The following PTPRD variants were observed in gnomAD, a reference collection of about 807,000 sequenced individuals.
The protein encoded by PTPRD is protein tyrosine phosphatase receptor type D.
A neutral mutation model predicts 214.5 loss-of-function variants in PTPRD; 34 were observed. The ratio of observed to expected loss-of-function variants is 0.16; its 90% confidence interval spans 0.12 to 0.21. The LOEUF (loss-of-function observed/expected upper bound fraction) is 0.21. Ranked by LOEUF, PTPRD falls within the 10% of genes least tolerant of loss-of-function variation. PTPRD has a pLI of 1.00. For synonymous variants in PTPRD, 1,128 were observed against 845.7 expected, an observed-to-expected ratio of 1.33 and a Z score of -5.79; for missense variants, 2,545 against 2,398.7, an observed-to-expected ratio of 1.06 and a Z score of -1.27.
chr9:9,893,853 C>A (rs969195383), intron 5 of PTPRD, among the ~76,000 whole-genome samples: 1 of 151,972 alleles, frequency 6.6e-6, no homozygotes, highest in African/African-American at 2.4e-5. Flanking sequence ...CAAGATCTTT[C>A]CCTATTGCCC....
chr9:10,595,030 T>A (rs911767550), intron 2 of PTPRD, among the ~76,000 whole-genome samples: 16 of 151,914 alleles, frequency 1.1e-4, no homozygotes, highest in Non-Finnish European at 1.6e-4. Context: ...AAATAACTAT[T>A]TATAGGCGAT....
chr9:9,397,682 A>G (rs2068427114), intron 8 of PTPRD, among the ~76,000 whole-genome samples, 200 bp from the exon 9 acceptor site: 1 of 151,998 alleles, frequency 6.6e-6, no homozygotes, highest in African/African-American at 2.4e-5. Context: ...TAAAAAAGAT[A>G]TTAGTTGTTT....
At chr9:10,448,496 C>G (rs12340358) in intron 2 of PTPRD, among the ~76,000 whole-genome samples, 1 of 151,874 alleles carries the variant, frequency 6.6e-6, no homozygotes. Flanking sequence ...GGTGGTTCAT[C>G]TAAAACATAG....
At chr9:10,276,863 C>A (rs564573363) in intron 3 of PTPRD, among the ~76,000 whole-genome samples, 1 of 152,318 alleles carries the variant, frequency 6.6e-6, no homozygotes, top group Non-Finnish European at 1.5e-5. Context: ...CCATGACTTT[C>A]TCTGCTCTTC....
rs1444942978 is a variant in PTPRD at position 9,658,461 on chromosome 9, C to T, written c.-287+76072G>A. On this transcript the variant is annotated intron_variant, in intron 7 of 45. Transcript: ENST00000381196. ...CTAAAAGGAAAGATTTCCTTCTTTA[C>T]TGTTTTTCCGAACATCTAGTACAAT... is the stretch of plus-strand genomic sequence containing the variant. 2.6e-5 allele frequency among the ~76,000 whole-genome samples: 4 copies of T among 152,094 alleles called. No homozygotes were observed. The East Asian group carries it at 7.7e-4, about 29-fold the overall frequency.
intron 7 of PTPRD, among the ~76,000 whole-genome samples, chr9:9,582,750 G>A (rs2091103836): frequency 6.6e-6 from 1 of 151,614 alleles, no homozygotes; most frequent in African/African-American, 2.4e-5. Flanking sequence ...TATTCTTCTG[G>A]AGGCTCAAAT....
intron 8 of PTPRD, among the ~76,000 whole-genome samples, chr9:9,543,834 G>C (rs1291075130): frequency 6.6e-6 from 1 of 151,564 alleles, no homozygotes; most frequent in Non-Finnish European, 1.5e-5. Flanking sequence ...AACTGCTTTT[G>C]GGAAATCAAA....
intron 6 of PTPRD, among the ~76,000 whole-genome samples, chr9:9,756,037 G>T (rs2098569970): frequency 1.3e-5 from 2 of 151,832 alleles, no homozygotes. Flanking sequence ...TTCTTATATT[G>T]AAGAAATGCA....
At chr9:8,728,931 G>C (rs2098622285) in intron 12 of PTPRD, among the ~76,000 whole-genome samples, 1 of 152,142 alleles carries the variant, frequency 6.6e-6, no homozygotes, top group Non-Finnish European at 1.5e-5. Context: ...AGTGAGCCAA[G>C]ATCACACCAC....
chr9:9,140,610 GCT>G (rs2099858592), intron 10 of PTPRD, among the ~76,000 whole-genome samples: 1 of 152,102 alleles, frequency 6.6e-6, no homozygotes, highest in Non-Finnish European at 1.5e-5. Context: ...ACGGAGTCTC[GCT>G]CTGTCGCCCA....
chr9:9,162,476 C>T (rs1412574172), intron 10 of PTPRD, among the ~76,000 whole-genome samples: 1 of 152,098 alleles, frequency 6.6e-6, no homozygotes, highest in Admixed American at 6.6e-5. Flanking sequence ...ACACCTTTTC[C>T]TTTGTCCTTT....
chr9:9,521,218 T>A (rs2096963632), intron 8 of PTPRD, among the ~76,000 whole-genome samples: 1 of 152,118 alleles, frequency 6.6e-6, no homozygotes, highest in African/African-American at 2.4e-5. Flanking sequence ...CTGAACAAAG[T>A]CGCTACAGCA....
At chr9:8,562,862 T>G (rs2086985769) in intron 14 of PTPRD, among the ~76,000 whole-genome samples, 1 of 151,402 alleles carries the variant, frequency 6.6e-6, no homozygotes, top group Non-Finnish European at 1.5e-5. Flanking sequence ...TTTTTTTTTT[T>G]GCAGAGGTTT....
At chr9:8,600,689 G>A (rs1342469103) in intron 14 of PTPRD, among the ~76,000 whole-genome samples, 1 of 151,682 alleles carries the variant, frequency 6.6e-6, no homozygotes, top group Non-Finnish European at 1.5e-5. Flanking sequence ...TTGTAGCAAA[G>A]GACCCAGTCC....
At chr9:9,175,179 G>T (rs1429823283) in intron 10 of PTPRD, among the ~76,000 whole-genome samples, 1 of 152,072 alleles carries the variant, frequency 6.6e-6, no homozygotes, top group Non-Finnish European at 1.5e-5. Context: ...ATTTCTTATA[G>T]CAGCCAAAGT....
intron 11 of PTPRD, among the ~76,000 whole-genome samples, chr9:8,804,725 G>A (rs1396034396): frequency 6.6e-6 from 1 of 150,760 alleles, no homozygotes; most frequent in South Asian, 2.1e-4. Context: ...CTTCTTTCTA[G>A]TTCCACAGAC....
At chr9:8,947,029 CT>C (rs71317390) in intron 11 of PTPRD, among the ~76,000 whole-genome samples, 52,587 of 120,744 alleles carry the variant, frequency 0.44, 10,524 homozygotes, top group East Asian at 0.81. Context: ...TTTTTCTTTT[CT>C]TTTTTTTTTT....
chr9:9,981,480 G>C lies in PTPRD; in HGVS notation c.-471-42870C>G, dbSNP rs549880410. 1.4e-3 allele frequency among the ~76,000 whole-genome samples: 210 copies of C among 150,960 alleles called. 1 individual carries two copies. The highest frequency in any genetic ancestry group is 2.7e-3 in the Non-Finnish European group (180 of 67,836). ...AGCCATTCTCCTGCCTGAGCCTCCC[G>C]AGTAGCTGGGACTACAGGTGCCCGC... On this transcript the variant is annotated intron_variant, in intron 4 of 45. Transcript: ENST00000381196.
At chr9:8,598,223 G>A (rs1414693271) in intron 14 of PTPRD, among the ~76,000 whole-genome samples, 2 of 152,076 alleles carry the variant, frequency 1.3e-5, no homozygotes, top group African/African-American at 4.8e-5. Flanking sequence ...AGGCCGAGGA[G>A]GGCAGATCAC....
Sources: allele counts gnomAD v4.1 joint callset (sites outside exome capture counted in the v4.1 genomes callset), GRCh38; gene constraint gnomAD v4.1.1; transcripts MANE v1.5; gene names NCBI Gene and HGNC (gene_info 2026-07-23, HGNC 2026-07-21).